Variants in EMSY observed in about 807,000 individuals in gnomAD.
The protein encoded by EMSY is BRCA2-interacting transcriptional repressor EMSY.
Under a neutral mutation model 134.6 loss-of-function variants are expected in EMSY, and 26 were observed. The observed-to-expected ratio is 0.19, with a 90% CI of 0.14 to 0.27. EMSY has a LOEUF of 0.27. Among genes scored for constraint, EMSY ranks in the 10% least tolerant of loss-of-function variants. EMSY has a pLI of 1.00. For missense variants in EMSY, 1,305 were observed against 1,611.4 expected (o/e 0.81, Z 3.26); for synonymous variants, 579 against 577.8 (o/e 1.00, Z -0.03).
chr11:76,487,316 C>T (rs542513555), intron 8 of EMSY, among the ~76,000 whole-genome samples: 4 of 152,262 alleles, frequency 2.6e-5, no homozygotes, highest in African/African-American at 9.6e-5. Context: ...TAAAAACAAA[C>T]ACAGAAACAA....
At chr11:76,500,464 T>C (rs1949818485) in intron 9 of EMSY, among the ~76,000 whole-genome samples, 1 of 152,136 alleles carries the variant, frequency 6.6e-6, no homozygotes, top group Admixed American at 6.5e-5. Flanking sequence ...GAACATATAG[T>C]CTAGACTGCA....
At chr11:76,484,428 C>T (rs542700267) in intron 8 of EMSY, among the ~76,000 whole-genome samples, 40 of 152,112 alleles carry the variant, frequency 2.6e-4, no homozygotes, top group Non-Finnish European at 5.3e-4. Flanking sequence ...GATAGAGATA[C>T]GAAAAACCCT....
At chr11:76,458,796 C>A (rs2135033253) in intron 5 of EMSY, 1 of 152,782 alleles carries the variant, frequency 6.5e-6, no homozygotes, top group African/African-American at 2.4e-5. Context: ...AATGAATGTG[C>A]TGAATCCATT....
chr11:76,542,225 G>A (rs374293907), exon 18 of EMSY: 7 of 1,613,982 alleles, frequency 4.3e-6, no homozygotes, highest in African/African-American at 1.3e-5. Flanking sequence ...GTCAGCCATC[G>A]CTCCCAGCCC....
chr11:76,551,782 T>C (rs1951843053), downstream of EMSY: 1 of 152,202 alleles, frequency 6.6e-6, no homozygotes, highest in Non-Finnish European at 1.5e-5. Flanking sequence ...ACATGCAACA[T>C]GTTAAATACA....
At chr11:76,454,671 G>C in intron 4 of EMSY, 78 bp from the exon 5 acceptor site, 2 of 949,832 alleles carry the variant, frequency 2.1e-6, no homozygotes, top group Middle Eastern at 2.3e-4. Context: ...GGGGCAACTA[G>C]TTGTAAGTTG....
At chr11:76,504,522 A>G (rs566578089) in intron 9 of EMSY, among the ~76,000 whole-genome samples, 3 of 152,318 alleles carry the variant, frequency 2.0e-5, no homozygotes, top group East Asian at 3.9e-4. Context: ...TCAATGTAAC[A>G]GAATAACAAG....
chr11:76,490,012 T>C (rs1278534302), intron 8 of EMSY, among the ~76,000 whole-genome samples: 3 of 152,258 alleles, frequency 2.0e-5, no homozygotes, highest in African/African-American at 7.2e-5. Context: ...TCTCTCAGTC[T>C]GATAATCTCT....
At chr11:76,514,742 A>G (rs1950389181) in intron 10 of EMSY, among the ~76,000 whole-genome samples, 1 of 152,186 alleles carries the variant, frequency 6.6e-6, no homozygotes, top group Admixed American at 6.6e-5. Flanking sequence ...TTCAACAATA[A>G]TGCTTCATTT....
At chr11:76,471,373 T>C (rs1182680447) in intron 7 of EMSY, among the ~76,000 whole-genome samples, 2 of 152,196 alleles carry the variant, frequency 1.3e-5, no homozygotes, top group African/African-American at 4.8e-5. Context: ...ACATTTTACA[T>C]TGGTGTGATA....
intron 7 of EMSY, among the ~76,000 whole-genome samples, chr11:76,464,957 C>A (rs910353049): frequency 6.6e-6 from 1 of 152,124 alleles, no homozygotes; most frequent in Non-Finnish European, 1.5e-5. Flanking sequence ...TTTGGGAAGT[C>A]CAGTACCATT....
chr11:76,475,679 G>C (rs545908280), intron 8 of EMSY, among the ~76,000 whole-genome samples: 2 of 152,310 alleles, frequency 1.3e-5, no homozygotes, highest in Admixed American at 1.3e-4. Context: ...AGAAATCAAG[G>C]AATTTTATTT....
At chr11:76,447,847 A>G (rs1229059214) in intron 2 of EMSY, among the ~76,000 whole-genome samples, 1 of 152,226 alleles carries the variant, frequency 6.6e-6, no homozygotes, top group Non-Finnish European at 1.5e-5. Flanking sequence ...TTACCACTGT[A>G]GTCTCTGGCT....
chr11:76,472,442 C>A, intron 7 of EMSY, 122 bp from the exon 9 acceptor site: 1 of 913,528 alleles, frequency 1.1e-6, no homozygotes, highest in South Asian at 2.1e-5. Flanking sequence ...GTTGTATATT[C>A]TCTGTTGAAT....
chr11:76,506,645 A>AAAAATGT (rs1430259765), intron 9 of EMSY, among the ~76,000 whole-genome samples: 1 of 152,186 alleles, frequency 6.6e-6, no homozygotes, highest in Non-Finnish European at 1.5e-5. Context: ...ATGAAAAATG[A>AAAAATGT]AAAAAATACT....
intron 16 of EMSY, among the ~76,000 whole-genome samples, chr11:76,539,290 C>T (rs1166481360): frequency 6.6e-6 from 1 of 152,066 alleles, no homozygotes; most frequent in Non-Finnish European, 1.5e-5. Context: ...TTTTCTTTAG[C>T]AGTGGTTAAA....
intron 14 of EMSY, among the ~76,000 whole-genome samples, chr11:76,530,612 C>T (rs2136419327): frequency 6.6e-6 from 1 of 152,280 alleles, no homozygotes; most frequent in African/African-American, 2.4e-5. Flanking sequence ...TTGTATATTA[C>T]TTTTTAAAAT....
At chr11:76,503,608 A>G (rs1309415228) in intron 9 of EMSY, among the ~76,000 whole-genome samples, 10 of 152,160 alleles carry the variant, frequency 6.6e-5, no homozygotes, top group Admixed American at 6.5e-4. Context: ...TACAAAATTA[A>G]CTCAAATGAA....
In EMSY at chr11:76,450,207, A is replaced by G. The variant is rs771194677; in HGVS notation, c.71-1651A>G. On this transcript the variant is annotated intron_variant, in intron 2 of 20. Transcript: ENST00000334736. ...CATTTGGTATATATAATGGGACTCA[A>G]TACTGATCTGTTGAATAAAATATTT... Among the ~76,000 whole-genome samples the G allele has an allele frequency of 2.6e-5, 4 of 152,332 alleles. No homozygotes were observed. The East Asian group carries it at 7.7e-4, about 29-fold the overall frequency.
Sources: allele counts gnomAD v4.1 joint callset (sites outside exome capture counted in the v4.1 genomes callset), GRCh38; gene constraint gnomAD v4.1.1; transcripts MANE v1.5; gene names NCBI Gene and HGNC (gene_info 2026-07-23, HGNC 2026-07-21).